RFC3: variants seen among roughly 807,000 people sequenced by gnomAD.
RFC3 encodes A1 38 kDa subunit.
RFC3 carries 41 observed loss-of-function variants against 45.1 expected under a neutral mutation model. The observed-to-expected ratio is 0.91, with a 90% CI of 0.71 to 1.18. The LOEUF is 1.18. Among genes scored for constraint, RFC3 ranks in the 50% most tolerant of loss-of-function variants. RFC3 has a pLI of 0.00. For missense variants in RFC3, 423 were observed against 428.1 expected, an observed-to-expected ratio of 0.99 and a Z score of 0.10; for synonymous variants, 149 against 144.0, an observed-to-expected ratio of 1.03 and a Z score of -0.25.
At chr13:33,968,923 C>T (rs140279792), downstream of RFC3, among the ~76,000 whole-genome samples, 746 of 152,314 alleles carry the variant, frequency 4.9e-3, 7 homozygotes, top group African/African-American at 0.017. Context: ...GAGATTTCAT[C>T]TGAATACTAA....
intron 8 of RFC3, among the ~76,000 whole-genome samples, chr13:33,843,457 G>A (rs1028918535): frequency 1.3e-5 from 2 of 152,090 alleles, no homozygotes; most frequent in Non-Finnish European, 1.5e-5. Flanking sequence ...TTAGCTGATG[G>A]CCCACTGAAG....
At chr13:33,963,005 T>C (rs534816346) in intron 8 of RFC3, among the ~76,000 whole-genome samples, 57 of 152,250 alleles carry the variant, frequency 3.7e-4, no homozygotes, top group African/African-American at 1.3e-3. Flanking sequence ...ATTCAATAAA[T>C]GGTATATACA....
At chr13:33,914,351 A>T (rs2082720750) in intron 8 of RFC3, among the ~76,000 whole-genome samples, 1 of 152,132 alleles carries the variant, frequency 6.6e-6, no homozygotes, top group African/African-American at 2.4e-5. Flanking sequence ...ACATTTAGTG[A>T]ACATCCACTA....
intron 8 of RFC3, chr13:33,847,461 C>G (rs575138333): frequency 6.6e-6 from 1 of 152,188 alleles, no homozygotes; most frequent in Non-Finnish European, 1.5e-5. Flanking sequence ...TCACCTCCTC[C>G]TCCAGCAGTT....
chr13:33,969,719 T>G (rs115659751), downstream of RFC3, among the ~76,000 whole-genome samples: 236 of 152,264 alleles, frequency 1.5e-3, no homozygotes, highest in Non-Finnish European at 1.9e-3. Flanking sequence ...GTTTTTGTTG[T>G]TGGTGGTGGT....
chr13:33,824,034 G>T, intron 3 of RFC3, 50 bp downstream of exon 3: 1 of 931,708 alleles, frequency 1.1e-6, no homozygotes, highest in South Asian at 1.7e-5. Context: ...AATTGGTTTT[G>T]GGCTTTCTTT....
At chr13:33,829,801 CAAGTT>C in intron 4 of RFC3, 30 bp from the exon 5 acceptor site, 3 of 1,561,142 alleles carry the variant, frequency 1.9e-6, no homozygotes, top group Non-Finnish European at 2.7e-6. Context: ...TGAGTGAACT[CAAGTT>C]AAAGTTTGTT....
In RFC3 at chr13:33,858,911, C is replaced by T. The variant is rs531394923; in HGVS notation, c.879+23694C>T. ...TCTCTTTTTCTTTCAACTGTAGCAT[C>T]GCAGTCCCTGAATTTGAAACTCCAT... is the stretch of plus-strand genomic sequence containing the variant. On this transcript the variant is annotated intron_variant, in intron 8 of 8. Coordinates refer to the RFC3 transcript ENST00000434425. Among the ~76,000 whole-genome samples, 9 of 152,252 alleles carry T rather than the reference C, an allele frequency of 5.9e-5. No individual in the cohort carries two copies. The South Asian group carries it at 1.7e-3, about 28-fold the overall frequency.
rs779288622 is a variant in RFC3 at position 33,823,856 on chromosome 13, CAA to C, written c.226-58_226-57del. ...AATAAAAGGAAAACCAATGAAAATA[CAA>C]AAGAGTGGGGAAATAGGCAATAAAT... On this transcript the variant is annotated intron_variant, in intron 2 of 8. Transcript: ENST00000380071. 4.1e-4 allele frequency: 353 copies of C among 853,138 alleles called. 1 individual carries two copies. Among genetic ancestry groups the C allele is most frequent in the Admixed American group, 2.7e-3 (102 of 38,380 alleles). 52.8% of individuals were successfully genotyped at this position (853,138 alleles called of 1,614,324 possible).
At chr13:33,829,588 C>A in intron 4 of RFC3, 1 of 453,938 alleles carries the variant, frequency 2.2e-6, no homozygotes, top group Non-Finnish European at 3.9e-6. Context: ...AGCTGTTCCT[C>A]TCTATAGAAG....
At chr13:33,899,486 T>C (rs1443236598) in intron 8 of RFC3, among the ~76,000 whole-genome samples, 1 of 151,724 alleles carries the variant, frequency 6.6e-6, no homozygotes, top group Admixed American at 6.6e-5. Flanking sequence ...CAACATCCTT[T>C]TACAATAAAA....
rs2082099527 is a variant in RFC3, at chr13:33,831,168, A to C, written c.711-88A>C. On this transcript the variant is annotated intron_variant, in intron 6 of 8. Transcript: ENST00000380071. ...ACTCCTGCTGTGCAGCCCGGTTCCT[A>C]ACCGCACGGACCAGTGGTTGGGGAC... 2.0e-5 allele frequency: 16 copies of C among 813,718 alleles called. No homozygotes were observed. The South Asian group carries it at 2.5e-4, about 12-fold the overall frequency. 50.4% of individuals were successfully genotyped at this position (813,718 alleles called of 1,614,324 possible). A position where few individuals can be genotyped will look rare whatever the true frequency, so the allele number is the denominator to read the frequency against.
At chr13:33,893,835 A>G (rs960669299) in intron 8 of RFC3, among the ~76,000 whole-genome samples, 2 of 152,100 alleles carry the variant, frequency 1.3e-5, no homozygotes, top group African/African-American at 4.8e-5. Flanking sequence ...GTTAGGAGAG[A>G]AAAAAGAAAA....
At chr13:33,823,155 A>T (rs921167869) in intron 2 of RFC3, among the ~76,000 whole-genome samples, 1 of 152,136 alleles carries the variant, frequency 6.6e-6, no homozygotes, top group Non-Finnish European at 1.5e-5. Context: ...GTAGATGGGG[A>T]ATGTTGGGGA....
At chr13:33,932,954 A>G (rs1800939736) in intron 8 of RFC3, among the ~76,000 whole-genome samples, 1 of 152,172 alleles carries the variant, frequency 6.6e-6, no homozygotes, top group Non-Finnish European at 1.5e-5. Context: ...CTGCATGCCA[A>G]CTGGCACATG....
At chr13:33,938,101 G>A (rs1024988324) in intron 8 of RFC3, among the ~76,000 whole-genome samples, 9 of 142,946 alleles carry the variant, frequency 6.3e-5, no homozygotes, top group African/African-American at 1.8e-4. Context: ...TAAGTCCAAG[G>A]ATGTTTGCAA....
At chr13:33,964,040 C>G (rs1017643679) in intron 8 of RFC3, among the ~76,000 whole-genome samples, 2 of 152,160 alleles carry the variant, frequency 1.3e-5, no homozygotes, top group African/African-American at 4.8e-5. Flanking sequence ...GCTGCAGTAA[C>G]TTCAGGGCTG....
intron 8 of RFC3, among the ~76,000 whole-genome samples, chr13:33,895,493 T>C (rs1401550189): frequency 6.6e-6 from 1 of 152,172 alleles, no homozygotes; most frequent in African/African-American, 2.4e-5. Flanking sequence ...AAACAATAGA[T>C]GTTGGCATGG....
chr13:33,957,502 C>T (rs1024466921), intron 8 of RFC3, among the ~76,000 whole-genome samples: 2 of 152,116 alleles, frequency 1.3e-5, no homozygotes, highest in Admixed American at 1.3e-4. Flanking sequence ...TTCCGTACCA[C>T]TTATGACTAC....
Sources: allele counts gnomAD v4.1 joint callset (sites outside exome capture counted in the v4.1 genomes callset), GRCh38; gene constraint gnomAD v4.1.1; transcripts MANE v1.5; gene names NCBI Gene and HGNC (gene_info 2026-07-23, HGNC 2026-07-21).